The following ASXL3 variants were observed in gnomAD, a reference collection of about 807,000 sequenced individuals.
The protein encoded by ASXL3 is ASXL transcriptional regulator 3, also known as putative Polycomb group protein ASXL3.
In ASXL3, 34 loss-of-function variants were observed where a neutral mutation model predicts 170.6. The observed-to-expected ratio is 0.20, with a 90% CI of 0.15 to 0.27. The LOEUF is 0.27. Among genes scored for constraint, ASXL3 ranks in the 10% least tolerant of loss-of-function variants. The pLI is 1.00. For synonymous variants in ASXL3, 1,002 were observed against 989.1 expected (o/e 1.01, Z -0.24); for missense variants, 2,592 against 2,695.3 (o/e 0.96, Z 0.85).
rs1029985501 is a variant in ASXL3 at position 33,748,752 on chromosome 18, T to G, written c.*2157T>G. ...CACTTGCATGCCAACTCCTTCCAAA[T>G]TCATTCACTGCTATACCAGTGTCAG... On this transcript the variant is annotated 3_prime_UTR_variant, in exon 12 of 12. Transcript: ENST00000269197. 1.3e-5 allele frequency: 2 copies of G among 152,186 alleles called. No individual in the cohort carries two copies. Among genetic ancestry groups the G allele is most frequent in the Non-Finnish European group, 2.9e-5 (2 of 68,042 alleles). 9.4% of individuals were successfully genotyped at this position (152,186 alleles called of 1,614,324 possible).
intron 8 of ASXL3, among the ~76,000 whole-genome samples, chr18:33,701,289 A>G (rs2066869803): frequency 6.6e-6 from 1 of 151,888 alleles, no homozygotes; most frequent in African/African-American, 2.4e-5. Flanking sequence ...CTGAATTTCC[A>G]TAAGAATTTT....
intron 8 of ASXL3, among the ~76,000 whole-genome samples, chr18:33,703,275 T>A (rs1158478439): frequency 2.0e-5 from 3 of 152,158 alleles, no homozygotes; most frequent in Non-Finnish European, 4.4e-5. Flanking sequence ...AGAAATCTGT[T>A]CTTATGGTCT....
intron 1 of ASXL3, among the ~76,000 whole-genome samples, chr18:33,581,472 AGTGTGTGT>A (rs150752638): frequency 8.9e-4 from 129 of 145,292 alleles, no homozygotes; most frequent in African/African-American, 2.1e-3. Context: ...TGCTGGAGTG[AGTGTGTGT>A]GTGTGTGTGT....
intron 4 of ASXL3, among the ~76,000 whole-genome samples, chr18:33,648,664 A>G (rs955361063): frequency 6.6e-6 from 1 of 152,096 alleles, no homozygotes. Context: ...AGGAAACTGG[A>G]TGACATTACC....
intron 1 of ASXL3, among the ~76,000 whole-genome samples, chr18:33,591,230 T>C (rs2065074067): frequency 6.6e-6 from 1 of 152,212 alleles, no homozygotes; most frequent in Admixed American, 6.5e-5. Flanking sequence ...TTCAGAAATT[T>C]TTTTTCTCTC....
At chr18:33,633,327 G>A (rs1044331665) in intron 2 of ASXL3, among the ~76,000 whole-genome samples, 1 of 152,048 alleles carries the variant, frequency 6.6e-6, no homozygotes, top group East Asian at 1.9e-4. Flanking sequence ...GAAATTAAAT[G>A]CAAACTAAGT....
chr18:33,578,546 C>T lies in ASXL3; in HGVS notation c.-86C>T. ...GCGGAGCGAGTGCGGGTCACCGGGT[C>T]ACTGGGTCATTGTCTCCGCGCCCGA... On this transcript the variant is annotated 5_prime_UTR_variant, in exon 1 of 12. Coordinates refer to ENST00000269197, the MANE Select transcript of ASXL3 (RefSeq NM_030632.3). 1.2e-6 allele frequency: 1 copy of T among 809,038 alleles called. No homozygotes were observed. The allele number at this position is 809,038 out of a possible 1,614,324, so 50.1% of individuals were successfully genotyped here. A position where few individuals can be genotyped will look rare whatever the true frequency, so the allele number is the denominator to read the frequency against.
At chr18:33,627,406 T>A (rs2065618885) in intron 2 of ASXL3, among the ~76,000 whole-genome samples, 1 of 152,202 alleles carries the variant, frequency 6.6e-6, no homozygotes, top group African/African-American at 2.4e-5. Context: ...GTGTAAACTG[T>A]GGCCATATTT....
Position 33,744,501 on chromosome 18 carries a change from A to G in ASXL3, c.4653A>G (p.Thr1551=), listed in dbSNP as rs774940061. 3.7e-6 allele frequency: 6 copies of G among 1,612,774 alleles called. No individual in the cohort carries two copies. The South Asian group carries it at 4.4e-5, about 12-fold the overall frequency. The part of the protein sequence containing the change: ...AASAAKQDSK[T]LPATCTSLRE... ...CGGCAGCAAAACAAGACAGTAAAAC[A>G]TTGCCGGCCACCTGCACAAGTCTCC... Residue 1551 remains threonine, a synonymous_variant, in exon 12 of 12, where the codon ACA becomes ACG. Coordinates refer to ENST00000269197, the MANE Select transcript of ASXL3 (RefSeq NM_030632.3).
intron 7 of ASXL3, among the ~76,000 whole-genome samples, chr18:33,682,454 T>A (rs142494147): frequency 1.1e-3 from 161 of 152,350 alleles, no homozygotes; most frequent in African/African-American, 3.8e-3. Context: ...AGATGTGAAC[T>A]CTACATACAG....
At chr18:33,665,037 C>T (rs1211957717) in intron 5 of ASXL3, among the ~76,000 whole-genome samples, 1 of 151,864 alleles carries the variant, frequency 6.6e-6, no homozygotes, top group Non-Finnish European at 1.5e-5. Flanking sequence ...CTTCTTTCTG[C>T]CTGGGTATTT....
rs754764441 is a variant in ASXL3, at chr18:33,670,801, G to C, written c.595+11G>C. On this transcript the variant is annotated intron_variant, in intron 6 of 11. Transcript: ENST00000269197. ...CGGATTCGCCTTCAGGTAAAGAGCT[G>C]AAATATCATATGCTTGGCCAGTTTC... The C allele has an allele frequency of 2.0e-6, 3 of 1,504,872 alleles. No homozygotes were observed. Among genetic ancestry groups the C allele is most frequent in the Non-Finnish European group, 2.7e-6 (3 of 1,113,624 alleles). 93.2% of individuals were successfully genotyped at this position (1,504,872 alleles called of 1,614,324 possible).
Position 33,743,520 on chromosome 18 carries a change from TAGC to T in ASXL3, c.3675_3677del (p.Ser1226del). On this transcript the variant is annotated inframe_deletion, in exon 12 of 12. Transcript: ENST00000269197. ...TTGTTTCATCTACCTCTTCTGAAAA[TAGC>T]AGTGTGCCCATGCTTTTTAATAAAA... 6.2e-7 allele frequency: 1 copy of T among 1,613,456 alleles called. No individual in the cohort carries two copies.
intron 1 of ASXL3, among the ~76,000 whole-genome samples, chr18:33,594,555 T>C (rs913649622): frequency 6.6e-6 from 1 of 152,168 alleles, no homozygotes; most frequent in African/African-American, 2.4e-5. Flanking sequence ...CAACAAACAT[T>C]GGCTGATTGA....
intron 2 of ASXL3, among the ~76,000 whole-genome samples, chr18:33,611,412 G>T (rs1346281892): frequency 1.3e-5 from 2 of 151,998 alleles, no homozygotes; most frequent in African/African-American, 4.8e-5. Flanking sequence ...TAGGGTAGAA[G>T]ATTTTATTAA....
intron 2 of ASXL3, among the ~76,000 whole-genome samples, chr18:33,628,971 G>A (rs2065639476): frequency 6.6e-6 from 1 of 152,108 alleles, no homozygotes; most frequent in Non-Finnish European, 1.5e-5. Flanking sequence ...TATTTCAGGT[G>A]TAGTCAGAGA....
chr18:33,672,857 A>G (rs2066366901), intron 7 of ASXL3, among the ~76,000 whole-genome samples: 1 of 152,158 alleles, frequency 6.6e-6, no homozygotes, highest in South Asian at 2.1e-4. Context: ...ACATACTTCT[A>G]ATAAAAAGAC....
At position 33,739,158 on chromosome 18, in the gene ASXL3, A is replaced by C; in HGVS notation, c.1754A>C (p.Asn585Thr). ...GSSSLEGQFP[N>T]EGIAIDMELQ... Reference sequence around the variant, plus strand: ...TCTTCTCTAGAAGGCCAGTTTCCAAATGAAGGAATTGCTATAGATATGGAG... The same window carrying C: ...TCTTCTCTAGAAGGCCAGTTTCCAACTGAAGGAATTGCTATAGATATGGAG... Residue 585 changes from asparagine (N) to threonine (T), a missense_variant, in exon 11 of 12, where the codon AAT becomes ACT. Asn to Thr is a moderately conservative substitution (Grantham distance 65). Transcript: ENST00000269197. The C allele has an allele frequency of 6.2e-7, 1 of 1,613,800 alleles. No individual in the cohort carries two copies. Among genetic ancestry groups the C allele is most frequent in the Non-Finnish European group, 8.5e-7 (1 of 1,179,806 alleles).
intron 8 of ASXL3, among the ~76,000 whole-genome samples, chr18:33,713,259 T>G (rs1203531567): frequency 2.6e-5 from 3 of 115,534 alleles, no homozygotes; most frequent in Admixed American, 8.9e-5. Context: ...TTTTTTTTTT[T>G]TTTTTTTTTT....
Sources: gnomAD v4.1 joint callset for allele counts (sites outside exome capture counted in the v4.1 genomes callset) on GRCh38, gnomAD v4.1.1 for gene constraint, MANE v1.5 for transcripts, NCBI Gene and HGNC (gene_info 2026-07-23, HGNC 2026-07-21) for gene names.